GPC5: variants seen among roughly 807,000 people sequenced by gnomAD.
The protein encoded by GPC5 is glypican-5.
Under a neutral mutation model 53.9 loss-of-function variants are expected in GPC5, and 47 were observed. That is an observed-to-expected ratio of 0.87 (90% CI 0.69 to 1.11). GPC5 has a LOEUF of 1.11. Ranked by LOEUF, GPC5 falls within the 50% of genes most tolerant of loss-of-function variation. The pLI is 0.00. For synonymous variants in GPC5, 286 were observed against 263.3 expected (o/e 1.09, Z -0.84); for missense variants, 748 against 713.1 (o/e 1.05, Z -0.56).
intron 7 of GPC5, among the ~76,000 whole-genome samples, chr13:92,410,063 G>T (rs930337999): frequency 1.3e-5 from 2 of 152,144 alleles, no homozygotes. Flanking sequence ...ATATCGCAAT[G>T]ATTCATGTAT....
intron 5 of GPC5, among the ~76,000 whole-genome samples, chr13:91,830,320 C>CA (rs2038636023): frequency 6.6e-6 from 1 of 152,058 alleles, no homozygotes; most frequent in Non-Finnish European, 1.5e-5. Flanking sequence ...GTTTCCCAAA[C>CA]ATTGCTGTTA....
intron 6 of GPC5, among the ~76,000 whole-genome samples, chr13:91,981,564 C>T (rs1237883262): frequency 6.6e-6 from 1 of 152,216 alleles, no homozygotes; most frequent in Non-Finnish European, 1.5e-5. Context: ...GCTGGGATTA[C>T]AGGCGTGAGC....
rs140867847 is a variant in GPC5, at chr13:92,077,087, C to T, written c.1402-67743C>T. 4.1e-3 allele frequency among the ~76,000 whole-genome samples: 623 copies of T among 152,256 alleles called. 5 individuals carry two copies. The highest frequency in any genetic ancestry group is 0.014 in the African/African-American group (591 of 41,536). ...ATTTACCTATAGCCTGAAAGCCCCA[C>T]CCCCTGCTTTGAATTGCCCCGCCTT... On this transcript the variant is annotated intron_variant, in intron 6 of 7. Transcript: ENST00000377067.
intron 4 of GPC5, among the ~76,000 whole-genome samples, chr13:91,742,606 T>C (rs1372911344): frequency 6.6e-6 from 1 of 152,186 alleles, no homozygotes; most frequent in African/African-American, 2.4e-5. Context: ...CGTGCCCATA[T>C]GTTTGGTATT....
intron 7 of GPC5, among the ~76,000 whole-genome samples, chr13:92,233,767 C>T (rs547564747): frequency 6.6e-6 from 1 of 152,204 alleles, no homozygotes; most frequent in Admixed American, 6.5e-5. Context: ...ATTAACTCGT[C>T]ATTTAACATT....
intron 7 of GPC5, among the ~76,000 whole-genome samples, chr13:92,427,531 C>T (rs1174327264): frequency 6.6e-6 from 1 of 151,666 alleles, no homozygotes; most frequent in African/African-American, 2.4e-5. Flanking sequence ...AAACATGCCA[C>T]GTTACTCTAT....
chr13:92,564,875 C>T (rs953420742), intron 7 of GPC5, among the ~76,000 whole-genome samples: 4 of 152,046 alleles, frequency 2.6e-5, no homozygotes, highest in African/African-American at 9.7e-5. Flanking sequence ...TGGTTTAAAT[C>T]CAAATAAAAG....
chr13:91,607,960 A>G (rs1230592253), intron 2 of GPC5, among the ~76,000 whole-genome samples: 78 of 152,226 alleles, frequency 5.1e-4, no homozygotes, highest in Non-Finnish European at 5.9e-5. Flanking sequence ...GATTCTTTCG[A>G]AGAAGGCTGC....
intron 7 of GPC5, among the ~76,000 whole-genome samples, chr13:92,430,598 A>G (rs1877042826): frequency 6.6e-6 from 1 of 152,184 alleles, no homozygotes. Flanking sequence ...GACTGTCCAG[A>G]TGATTCATGC....
intron 6 of GPC5, among the ~76,000 whole-genome samples, chr13:92,099,753 G>T (rs1246035035): frequency 6.6e-6 from 1 of 152,086 alleles, no homozygotes; most frequent in African/African-American, 2.4e-5. Flanking sequence ...AATAAGTCAT[G>T]CCCTTGTATA....
intron 2 of GPC5, among the ~76,000 whole-genome samples, chr13:91,507,624 G>C (rs977082034): frequency 6.6e-6 from 1 of 152,126 alleles, no homozygotes; most frequent in Non-Finnish European, 1.5e-5. Context: ...GAAATTATGG[G>C]AGCTAAAGAT....
Position 92,306,644 on chromosome 13 carries a change from T to A in GPC5, c.1561+161655T>A, listed in dbSNP as rs1050905413. Among the ~76,000 whole-genome samples the A allele has an allele frequency of 2.0e-5, 3 of 152,328 alleles. No homozygotes were observed. The East Asian group carries it at 5.8e-4, about 29-fold the overall frequency. On this transcript the variant is annotated intron_variant, in intron 7 of 7. Transcript: ENST00000377067. ...CCCCAGAGGGCCTTACCTAACTTACTCTCAAAACTTTCTGTCCCTGTCACT... is the reference window on the plus strand; with the variant it reads ...CCCCAGAGGGCCTTACCTAACTTACACTCAAAACTTTCTGTCCCTGTCACT...
intron 7 of GPC5, among the ~76,000 whole-genome samples, chr13:92,592,332 A>G (rs1883739155): frequency 6.6e-6 from 1 of 151,976 alleles, no homozygotes; most frequent in African/African-American, 2.4e-5. Context: ...GAACACCTGT[A>G]TAGTGTATGT....
intron 7 of GPC5, among the ~76,000 whole-genome samples, chr13:92,358,857 C>T (rs959602081): frequency 6.6e-6 from 1 of 151,764 alleles, no homozygotes; most frequent in Admixed American, 6.6e-5. Flanking sequence ...GCCTCTGGGC[C>T]TGTGATGGGA....
At chr13:91,537,535 A>T (rs139962773) in intron 2 of GPC5, among the ~76,000 whole-genome samples, 1 of 152,228 alleles carries the variant, frequency 6.6e-6, no homozygotes, top group African/African-American at 2.4e-5. Flanking sequence ...AAGCAAAAAA[A>T]GTCCCATAAA....
In GPC5 at chr13:91,641,322, C is replaced by T. The variant is rs1439437418; in HGVS notation, c.326-51865C>T. Among the ~76,000 whole-genome samples the T allele has an allele frequency of 2.6e-5, 4 of 152,216 alleles. No individual in the cohort carries two copies. In the Middle Eastern group the frequency reaches 0.014, roughly 521 times the overall value. The stretch of plus-strand genomic sequence containing the variant: ...CAGCCTGGGCAAAAGAACGAGACTC[C>T]GTCTCAAAAACAAATCAAAACAAAA... On this transcript the variant is annotated intron_variant, in intron 2 of 7. Transcript: ENST00000377067.
chr13:92,306,298 A>G (rs1171913585), intron 7 of GPC5, among the ~76,000 whole-genome samples: 2 of 152,204 alleles, frequency 1.3e-5, no homozygotes, highest in East Asian at 1.9e-4. Flanking sequence ...TGGAGATCTC[A>G]GACTCAATGC....
At chr13:91,906,000 A>G (rs1213041565) in intron 5 of GPC5, among the ~76,000 whole-genome samples, 2 of 152,028 alleles carry the variant, frequency 1.3e-5, no homozygotes, top group African/African-American at 4.8e-5. Flanking sequence ...AGTAGTGTAC[A>G]TTGTACCAAA....
chr13:92,034,461 G>A (rs1285927317), intron 6 of GPC5, among the ~76,000 whole-genome samples: 1 of 152,070 alleles, frequency 6.6e-6, no homozygotes, highest in African/African-American at 2.4e-5. Flanking sequence ...TAGTGCCACT[G>A]CACTCCAGCC....
Sources: allele counts gnomAD v4.1 joint callset (sites outside exome capture counted in the v4.1 genomes callset), GRCh38; gene constraint gnomAD v4.1.1; transcripts MANE v1.5; gene names NCBI Gene and HGNC (gene_info 2026-07-23, HGNC 2026-07-21).